PNO1: variants seen among roughly 807,000 people sequenced by gnomAD.
PNO1 encodes partner of NOB1 homolog.
PNO1 carries 16 observed loss-of-function variants against 28.4 expected under a neutral mutation model. The ratio of observed to expected loss-of-function variants is 0.56; its 90% CI spans 0.38 to 0.85. The LOEUF (loss-of-function observed/expected upper bound fraction) is 0.85. Ranked by LOEUF, PNO1 falls within the 40% of genes least tolerant of loss-of-function variation. The probability of loss-of-function intolerance (pLI) is 0.00; values close to 1 mark genes in which losing one functional copy is unlikely to be tolerated. For synonymous variants in PNO1, 115 were observed against 110.8 expected (o/e 1.04, Z -0.24); for missense variants, 304 against 312.2 (o/e 0.97, Z 0.20).
intron 5 of PNO1, chr2:68,173,062 ATGCTTTT>A (rs1373651228): frequency 3.6e-6 from 1 of 275,828 alleles, no homozygotes; most frequent in African/African-American, 2.3e-5. Flanking sequence ...AGGTAAGGAA[ATGCTTTT>A]TTGTCTACAA....
chr2:68,160,180 A>G lies in PNO1; in HGVS notation c.358-1503A>G, dbSNP rs564121327. Among the ~76,000 whole-genome samples, 106 of 152,010 alleles carry G rather than the reference A, an allele frequency of 7.0e-4. 2 individuals carry two copies. Among genetic ancestry groups the G allele is most frequent in the East Asian group, 3.9e-4 (2 of 5,170 alleles). ...GAGACAGGGTTTCACCGTGTTAGCCAGGATGGTCTTGATCTCCTGACCTCA... is the reference window on the plus strand; with the variant it reads ...GAGACAGGGTTTCACCGTGTTAGCCGGGATGGTCTTGATCTCCTGACCTCA... On this transcript the variant is annotated intron_variant, in intron 2 of 6. Coordinates refer to ENST00000263657, the MANE Select transcript of PNO1 (RefSeq NM_020143.4).
intron 2 of PNO1, 120 bp from the exon 3 acceptor site, chr2:68,161,563 G>A: frequency 1.5e-6 from 1 of 681,002 alleles, no homozygotes; most frequent in South Asian, 1.7e-5. Context: ...GAATATATTA[G>A]GGAAAGGTGG....
rs201151362 is a variant in PNO1, at chr2:68,159,276, GTGTA to G, written c.357+749_357+752del. Among the ~76,000 whole-genome samples the G allele has an allele frequency of 3.8e-3, 444 of 117,260 alleles. 10 individuals are homozygous for G. The East Asian group carries it at 0.074, about 20-fold the overall frequency. The allele number at this position is 117,260 out of a possible 152,430, so 76.9% of individuals were successfully genotyped here. Reference sequence around the variant, plus strand: ...TATATGTGTGTGTGTGTGTGTGTGTGTGTATATATATCTTTTTATTTTGCTCTTT... The same window carrying G: ...TATATGTGTGTGTGTGTGTGTGTGTGTATATATCTTTTTATTTTGCTCTTT... On this transcript the variant is annotated intron_variant, in intron 2 of 6. Transcript: ENST00000263657.
intron 2 of PNO1, among the ~76,000 whole-genome samples, chr2:68,159,955 CA>C (rs1387881505): frequency 8.6e-5 from 12 of 139,884 alleles, no homozygotes; most frequent in Admixed American, 1.4e-4. Context: ...CTTCAAAAAA[CA>C]AAAAAAAATT....
chr2:68,164,845 C>T (rs1359168330), intron 5 of PNO1, among the ~76,000 whole-genome samples: 1 of 152,128 alleles, frequency 6.6e-6, no homozygotes, highest in East Asian at 1.9e-4. Context: ...AGATGCTCCT[C>T]ACCGTATGGT....
chr2:68,160,062 G>A (rs747541521), intron 2 of PNO1, among the ~76,000 whole-genome samples: 17 of 146,682 alleles, frequency 1.2e-4, no homozygotes, highest in Non-Finnish European at 1.6e-4. Flanking sequence ...TCCGCCTCCT[G>A]GATTCATGCC....
chr2:68,163,967 T>G (rs1673909625), intron 5 of PNO1, among the ~76,000 whole-genome samples: 1 of 152,202 alleles, frequency 6.6e-6, no homozygotes, highest in African/African-American at 2.4e-5. Context: ...TAATTTCATT[T>G]AATATCTCAA....
intron 5 of PNO1, chr2:68,173,007 G>A (rs1674169842): frequency 5.1e-6 from 1 of 195,854 alleles, no homozygotes; most frequent in Non-Finnish European, 1.0e-5. Flanking sequence ...TAAAGAATCT[G>A]ACTCAAATAT....
In PNO1 at chr2:68,176,206, AACTT is replaced by A. The variant is rs779352274; in HGVS notation, c.*1409_*1412del. The A allele has an allele frequency of 2.0e-5, 3 of 152,218 alleles. No homozygotes were observed. Among genetic ancestry groups the A allele is most frequent in the Non-Finnish European group, 4.4e-5 (3 of 68,032 alleles). 9.4% of individuals were successfully genotyped at this position (152,218 alleles called of 1,614,324 possible). On this transcript the variant is annotated 3_prime_UTR_variant, in exon 7 of 7. Transcript: ENST00000263657. Reference sequence around the variant, plus strand: ...ATTTTATACATTACAAAATGGAAGGAACTTACTTTATTAAACTTAACTTTGATAC... The same window carrying A: ...ATTTTATACATTACAAAATGGAAGGAACTTTATTAAACTTAACTTTGATAC...
At chr2:68,168,393 T>C (rs112541734) in intron 5 of PNO1, among the ~76,000 whole-genome samples, 3,856 of 152,314 alleles carry the variant, frequency 0.025, 150 homozygotes, top group African/African-American at 0.084. Context: ...TGATCTCTTA[T>C]CAGGAGATGT....
chr2:68,174,642 C>A, intron 6 of PNO1, 93 bp from the exon 7 acceptor site: 1 of 767,174 alleles, frequency 1.3e-6, no homozygotes, highest in South Asian at 1.8e-5. Flanking sequence ...CTGTGGGAGT[C>A]CTGAAACCAG....
intron 3 of PNO1, 84 bp downstream of exon 3, chr2:68,161,850 A>C: frequency 1.1e-6 from 1 of 947,676 alleles, no homozygotes; most frequent in Non-Finnish European, 1.6e-6. Context: ...TAAAAAAAAA[A>C]AAGGCCAGGC....
At chr2:68,174,482 A>C (rs572219259) in intron 6 of PNO1, among the ~76,000 whole-genome samples, 5 of 152,328 alleles carry the variant, frequency 3.3e-5, no homozygotes, top group Admixed American at 3.3e-4. Flanking sequence ...TACAAATTTT[A>C]AAACACAATA....
At chr2:68,168,921 C>CTTTTT (rs57701897) in intron 5 of PNO1, among the ~76,000 whole-genome samples, 301 of 72,312 alleles carry the variant, frequency 4.2e-3, no homozygotes, top group African/African-American at 7.8e-3. Context: ...CAGCTTTTTT[C>CTTTTT]TTTTTTTTTT....
chr2:68,164,356 C>T (rs959564452), intron 5 of PNO1, among the ~76,000 whole-genome samples: 5 of 151,664 alleles, frequency 3.3e-5, no homozygotes, highest in Admixed American at 1.3e-4. Context: ...CCGGGTGTGG[C>T]GGCCCACACC....
intron 6 of PNO1, 86 bp from the exon 7 acceptor site, chr2:68,174,649 C>A: frequency 1.2e-6 from 1 of 835,430 alleles, no homozygotes; most frequent in Non-Finnish European, 2.0e-6. Context: ...AGTCCTGAAA[C>A]CAGTCTTCCT....
chr2:68,164,366 C>A (rs1342101358), intron 5 of PNO1, among the ~76,000 whole-genome samples: 2 of 152,102 alleles, frequency 1.3e-5, no homozygotes, highest in African/African-American at 4.8e-5. Flanking sequence ...CGGCCCACAC[C>A]TGTAGTCCCA....
At chr2:68,168,741 G>A (rs1674054159) in intron 5 of PNO1, among the ~76,000 whole-genome samples, 1 of 151,946 alleles carries the variant, frequency 6.6e-6, no homozygotes, top group African/African-American at 2.4e-5. Context: ...AAGATAAAGG[G>A]GTATTTGGCA....
At chr2:68,171,786 G>A (rs1189681842) in intron 5 of PNO1, among the ~76,000 whole-genome samples, 1 of 152,084 alleles carries the variant, frequency 6.6e-6, no homozygotes, top group South Asian at 2.1e-4. Flanking sequence ...GCTTTTACTC[G>A]GAGTGAATAG....
Sources: gnomAD v4.1 joint callset for allele counts (sites outside exome capture counted in the v4.1 genomes callset) on GRCh38, gnomAD v4.1.1 for gene constraint, MANE v1.5 for transcripts, NCBI Gene and HGNC (gene_info 2026-07-23, HGNC 2026-07-21) for gene names.